MYO16: variants seen among roughly 807,000 people sequenced by gnomAD.
MYO16 encodes myosin XVI.
Under a neutral mutation model 205.3 loss-of-function variants are expected in MYO16, and 94 were observed. That is an observed-to-expected ratio of 0.46 (90% CI 0.39 to 0.54). The LOEUF (loss-of-function observed/expected upper bound fraction) is 0.54. Ranked by LOEUF, MYO16 falls within the 20% of genes least tolerant of loss-of-function variation. The pLI is 0.00. For synonymous variants in MYO16, 988 were observed against 954.0 expected, an observed-to-expected ratio of 1.04 and a Z score of -0.66; for missense variants, 2,315 against 2,387.5, an observed-to-expected ratio of 0.97 and a Z score of 0.63.
intron 7 of MYO16, among the ~76,000 whole-genome samples, chr13:108,816,603 G>A (rs1028684277): frequency 6.6e-6 from 1 of 152,180 alleles, no homozygotes; most frequent in Non-Finnish European, 1.5e-5. Context: ...TATGTCAGCT[G>A]AGTCCTAAGA....
intron 1 of MYO16, among the ~76,000 whole-genome samples, chr13:108,643,145 CT>C (rs1351717089): frequency 6.6e-6 from 1 of 152,192 alleles, no homozygotes; most frequent in Non-Finnish European, 1.5e-5. Context: ...CCCTTGTGTC[CT>C]TTATAGTCAA....
intron 9 of MYO16, among the ~76,000 whole-genome samples, chr13:108,843,086 A>G (rs1440051580): frequency 3.3e-5 from 5 of 151,838 alleles, no homozygotes; most frequent in Non-Finnish European, 5.9e-5. Context: ...CGTGGCTGCC[A>G]GTTATTGGAG....
chr13:109,146,098 T>A (rs1295100892), intron 32 of MYO16, among the ~76,000 whole-genome samples: 1 of 152,210 alleles, frequency 6.6e-6, no homozygotes, highest in Admixed American at 6.5e-5. Flanking sequence ...TTGTTTGAGG[T>A]AAAATTTACC....
rs1263725512 is a variant in MYO16, at chr13:108,942,594, TATATA to T, written c.1926-15090_1926-15086del. Among the ~76,000 whole-genome samples the T allele has an allele frequency of 3.9e-5, 6 of 152,216 alleles. 1 individual carries two copies. Among genetic ancestry groups the T allele is most frequent in the Non-Finnish European group, 8.8e-5 (6 of 68,038 alleles). ...TTGTGCATATCACTATTCTGTATAA[TATATA>T]ATAAAATGTGGTATATGTATATCTT... is the stretch of plus-strand genomic sequence containing the variant. On this transcript the variant is annotated intron_variant, in intron 16 of 34. Transcript: ENST00000457511.
chr13:108,903,265 TC>T (rs1204110129), intron 15 of MYO16, among the ~76,000 whole-genome samples: 2 of 152,240 alleles, frequency 1.3e-5, no homozygotes, highest in Admixed American at 1.3e-4. Flanking sequence ...TTATAATTAT[TC>T]TGTTGCATTA....
At chr13:109,089,140 C>A (rs1043255139) in intron 27 of MYO16, among the ~76,000 whole-genome samples, 7 of 151,978 alleles carry the variant, frequency 4.6e-5, no homozygotes, top group African/African-American at 1.7e-4. Flanking sequence ...CAAAAGCAAT[C>A]ATAGAATTTA....
intron 31 of MYO16, among the ~76,000 whole-genome samples, chr13:109,139,953 AG>A (rs910293736): frequency 3.6e-5 from 4 of 110,184 alleles, no homozygotes; most frequent in East Asian, 2.8e-4. Flanking sequence ...AAACTAGGCA[AG>A]GGGGGTGGGT....
chr13:108,797,611 A>G (rs1886832066), intron 6 of MYO16, among the ~76,000 whole-genome samples: 1 of 152,222 alleles, frequency 6.6e-6, no homozygotes, highest in Non-Finnish European at 1.5e-5. Context: ...AGTAACTTGG[A>G]GGTCATTGAC....
At chr13:108,656,900 G>A (rs1388710849) in intron 1 of MYO16, among the ~76,000 whole-genome samples, 2 of 152,226 alleles carry the variant, frequency 1.3e-5, no homozygotes, top group South Asian at 2.1e-4. Flanking sequence ...GTGAAAACAG[G>A]TACTCCATCC....
At chr13:108,730,968 A>G (rs1884502371) in intron 4 of MYO16, among the ~76,000 whole-genome samples, 1 of 152,200 alleles carries the variant, frequency 6.6e-6, no homozygotes, top group Non-Finnish European at 1.5e-5. Flanking sequence ...TACGAATATT[A>G]TACTTGTTTA....
At chr13:109,003,802 A>G (rs1181086625) in intron 21 of MYO16, among the ~76,000 whole-genome samples, 2 of 152,224 alleles carry the variant, frequency 1.3e-5, no homozygotes, top group Non-Finnish European at 2.9e-5. Context: ...TGTGTTCTGT[A>G]AGGCAGTCAA....
intron 34 of MYO16, among the ~76,000 whole-genome samples, chr13:109,204,029 C>T (rs114579044): frequency 1.3e-5 from 2 of 152,172 alleles, no homozygotes; most frequent in African/African-American, 2.4e-5. Context: ...CAAATGTCCC[C>T]GGGAGGAAAA....
intron 22 of MYO16, among the ~76,000 whole-genome samples, chr13:109,014,602 T>TG (rs1885738101): frequency 6.6e-6 from 1 of 152,174 alleles, no homozygotes; most frequent in Non-Finnish European, 1.5e-5. Flanking sequence ...CCATGAGCAT[T>TG]GGAATGTTCT....
rs765845011 is a variant in MYO16 at position 109,127,499 on chromosome 13, T to C, written c.4000T>C (p.Tyr1334His). The change falls in exon 31 of 35, where the codon TAT becomes CAT. Residue 1334 changes from tyrosine (Y) to histidine (H), a missense_variant. This residue lies in a region of MYO16 where 1,097 missense variants were observed against 1,092.0 expected (regional missense o/e 1.00). Transcript: ENST00000457511. The surrounding 1 kb of genome is among the most constrained non-coding windows in gnomAD (Gnocchi z 4.2). Reference protein sequence around the residue: ...RDPNTRLSASYEAVSACLSAA... With the variant: ...RDPNTRLSASHEAVSACLSAA... ...CCCCAACACCCGGCTGAGTGCTTCC[T>C]ATGAGGCTGTGAGCGCCTGCCTCTC... 2.2e-5 allele frequency: 35 copies of C among 1,613,344 alleles called. No individual in the cohort carries two copies. In the Admixed American group the frequency reaches 5.7e-4, roughly 26 times the overall value.
Position 108,938,083 on chromosome 13 carries a change from T to C in MYO16, c.1926-19605T>C, listed in dbSNP as rs191281676. Among the ~76,000 whole-genome samples, 436 of 152,056 alleles carry C rather than the reference T, an allele frequency of 2.9e-3. 1 individual carries two copies. The highest frequency in any genetic ancestry group is 0.01 in the African/African-American group (419 of 41,474). On this transcript the variant is annotated intron_variant, in intron 16 of 34. Coordinates refer to ENST00000457511, the MANE Select transcript of MYO16 (RefSeq NM_001198950.3). ...TTCCCTATAATGTTGTTGTTGTTAA[T>C]TATTATTATTATTATTGTGTTTTCT...
chr13:108,752,819 T>TTTTC, intron 4 of MYO16, among the ~76,000 whole-genome samples: 1 of 144,084 alleles, frequency 6.9e-6, no homozygotes. Context: ...TTTTTTTTTT[T>TTTTC]TTTTTTTTTT....
intron 23 of MYO16, among the ~76,000 whole-genome samples, chr13:109,023,554 A>G (rs549771590): frequency 1.6e-5 from 2 of 123,286 alleles, no homozygotes; most frequent in Admixed American, 1.9e-4. Flanking sequence ...GTATATATTT[A>G]TTATATATAC....
chr13:108,941,920 A>G (rs927351705), intron 16 of MYO16, among the ~76,000 whole-genome samples: 2 of 151,942 alleles, frequency 1.3e-5, no homozygotes, highest in African/African-American at 2.4e-5. Flanking sequence ...GACACATTAT[A>G]CTCCTTGACT....
chr13:108,737,892 C>A (rs1884761881), intron 4 of MYO16, among the ~76,000 whole-genome samples: 1 of 152,142 alleles, frequency 6.6e-6, no homozygotes, highest in South Asian at 2.1e-4. Context: ...GGAATTTATC[C>A]ATTTCTTCTA....
Sources: gnomAD v4.1 joint callset for allele counts (sites outside exome capture counted in the v4.1 genomes callset) on GRCh38, gnomAD v4.1.1 for gene constraint, gnomAD v4.1.1 regional missense constraint, Gnocchi (gnomAD v3.1) non-coding constraint, MANE v1.5 for transcripts, NCBI Gene and HGNC (gene_info 2026-07-23, HGNC 2026-07-21) for gene names.